The following CHRNA7 variants were observed in gnomAD, a reference collection of about 807,000 sequenced individuals.
The protein encoded by CHRNA7 is neuronal acetylcholine receptor subunit alpha-7.
A neutral mutation model predicts 48.0 loss-of-function variants in CHRNA7; 17 were observed. That is an observed-to-expected ratio of 0.35 (90% confidence interval 0.24 to 0.53). CHRNA7 has a LOEUF of 0.53. CHRNA7 is among the 20% of genes least tolerant of loss of function. CHRNA7 has a pLI of 0.92. For synonymous variants in CHRNA7, 75 were observed against 242.3 expected, an observed-to-expected ratio of 0.31 and a Z score of 6.41; for missense variants, 155 against 577.7, an observed-to-expected ratio of 0.27 and a Z score of 7.50.
chr15:32,083,011 C>G (rs777867463), intron 2 of CHRNA7, among the ~76,000 whole-genome samples: 15 of 152,158 alleles, frequency 9.9e-5, no homozygotes, highest in Non-Finnish European at 2.1e-4. Flanking sequence ...TGGTGCACAC[C>G]TGTAGTCCCA....
chr15:32,073,131 C>T (rs1203470267), intron 2 of CHRNA7, among the ~76,000 whole-genome samples: 1 of 152,226 alleles, frequency 6.6e-6, no homozygotes, highest in Non-Finnish European at 1.5e-5. Flanking sequence ...AGAGGGCACA[C>T]TCTCCAAAGC....
intron 2 of CHRNA7, among the ~76,000 whole-genome samples, chr15:32,079,032 C>T (rs1332687201): frequency 1.3e-5 from 2 of 152,128 alleles, no homozygotes; most frequent in East Asian, 1.9e-4. Context: ...GTCACATACA[C>T]AGAACTAAAG....
chr15:32,131,319 G>A (rs1195984075), intron 4 of CHRNA7, among the ~76,000 whole-genome samples: 1 of 151,820 alleles, frequency 6.6e-6, no homozygotes, highest in Non-Finnish European at 1.5e-5. Flanking sequence ...ACAAATATCA[G>A]ATTTTGTTAT....
intron 3 of CHRNA7, among the ~76,000 whole-genome samples, chr15:32,109,069 C>A (rs1471028413): frequency 1.3e-5 from 2 of 152,002 alleles, no homozygotes; most frequent in Non-Finnish European, 2.9e-5. Context: ...GAATTCAGGG[C>A]GTGAAAGTAA....
intron 4 of CHRNA7, among the ~76,000 whole-genome samples, chr15:32,128,438 C>G (rs368979286): frequency 1.3e-5 from 2 of 151,916 alleles, no homozygotes; most frequent in Admixed American, 1.3e-4. Flanking sequence ...TTATTTCAAT[C>G]TTCTATGATT....
At chr15:32,128,165 T>C (rs1461679282) in intron 4 of CHRNA7, among the ~76,000 whole-genome samples, 6 of 152,058 alleles carry the variant, frequency 3.9e-5, no homozygotes, top group Non-Finnish European at 7.4e-5. Flanking sequence ...AATCTAGATA[T>C]CTCTTCCTCT....
chr15:32,070,927 T>TCCGC (rs1471064068), intron 2 of CHRNA7, among the ~76,000 whole-genome samples: 2 of 152,054 alleles, frequency 1.3e-5, no homozygotes, highest in Non-Finnish European at 2.9e-5. Flanking sequence ...GACTTCATGA[T>TCCGC]CCGCCCATCT....
intron 2 of CHRNA7, among the ~76,000 whole-genome samples, chr15:32,058,295 C>T (rs1015653962): frequency 6.6e-6 from 1 of 152,200 alleles, no homozygotes; most frequent in Non-Finnish European, 1.5e-5. Context: ...TTGACAGTAA[C>T]CATCAGTCAT....
intron 2 of CHRNA7, among the ~76,000 whole-genome samples, chr15:32,042,741 T>G: frequency 6.6e-6 from 1 of 152,192 alleles, no homozygotes; most frequent in Middle Eastern, 3.2e-3. Flanking sequence ...ATCCTGTGTG[T>G]TCCCCTCTTA....
rs1306161300 is a variant in CHRNA7 at position 32,136,992 on chromosome 15, A to G, written c.351-16915A>G. 2.3e-5 allele frequency among the ~76,000 whole-genome samples: 3 copies of G among 131,084 alleles called. No homozygotes were observed. The East Asian group carries it at 7.6e-4, about 33-fold the overall frequency. The allele number at this position is 131,084 out of a possible 152,430, so 86.0% of individuals were successfully genotyped here. A position where few individuals can be genotyped will look rare whatever the true frequency, so the allele number is the denominator to read the frequency against. On this transcript the variant is annotated intron_variant, in intron 4 of 9. Coordinates refer to ENST00000306901, the MANE Select transcript of CHRNA7 (RefSeq NM_000746.6). Reference sequence around the variant, plus strand: ...GCTTGCAGTGAGCCGAGATCCCGCCACTGCACTCCAGCCTGGGCGACAGAG... The same window carrying G: ...GCTTGCAGTGAGCCGAGATCCCGCCGCTGCACTCCAGCCTGGGCGACAGAG...
At chr15:32,039,173 A>T (rs1490668954) in intron 2 of CHRNA7, among the ~76,000 whole-genome samples, 2 of 151,962 alleles carry the variant, frequency 1.3e-5, no homozygotes, top group African/African-American at 2.4e-5. Context: ...GCCTGGCTAG[A>T]TGCTTATTGA....
At chr15:32,074,090 T>C (rs1456401780) in intron 2 of CHRNA7, among the ~76,000 whole-genome samples, 1 of 151,750 alleles carries the variant, frequency 6.6e-6, no homozygotes, top group African/African-American at 2.4e-5. Flanking sequence ...TAAATGTTAA[T>C]GTATATTTAA....
At chr15:32,040,602 G>A (rs997227559) in intron 2 of CHRNA7, among the ~76,000 whole-genome samples, 1 of 92,590 alleles carries the variant, frequency 1.1e-5, no homozygotes, top group African/African-American at 2.7e-5. Context: ...GTGTATATGT[G>A]TGTATGTGTG....
intron 2 of CHRNA7, among the ~76,000 whole-genome samples, chr15:32,076,458 A>G (rs2050137821): frequency 6.6e-6 from 1 of 152,160 alleles, no homozygotes; most frequent in Non-Finnish European, 1.5e-5. Context: ...TTTATTTGAT[A>G]TTATATCAGG....
intron 2 of CHRNA7, among the ~76,000 whole-genome samples, chr15:32,032,252 G>A (rs1398283293): frequency 6.6e-6 from 1 of 152,214 alleles, no homozygotes; most frequent in Non-Finnish European, 1.5e-5. Flanking sequence ...GAGAAGAGCT[G>A]TAGGGGAAGG....
rs892337719 is a variant in CHRNA7, at chr15:32,068,623, T to A, written c.196-32680T>A. Among the ~76,000 whole-genome samples, 7 of 151,812 alleles carry A rather than the reference T, an allele frequency of 4.6e-5. No homozygotes were observed. The East Asian group carries it at 1.4e-3, about 30-fold the overall frequency. ...CTGTAATCCCAGCTATTCGGGAGGCTGAGGCAGGAGAATTGCTTGAACCCA... is the reference window on the plus strand; with the variant it reads ...CTGTAATCCCAGCTATTCGGGAGGCAGAGGCAGGAGAATTGCTTGAACCCA... On this transcript the variant is annotated intron_variant, in intron 2 of 9. Coordinates refer to ENST00000306901, the MANE Select transcript of CHRNA7 (RefSeq NM_000746.6).
intron 4 of CHRNA7, among the ~76,000 whole-genome samples, chr15:32,136,320 A>G (rs1405961498): frequency 6.6e-6 from 1 of 151,734 alleles, no homozygotes. Context: ...GTGAAACCCC[A>G]TCTCTACTAA....
intron 2 of CHRNA7, chr15:32,099,322 G>A (rs958555081): frequency 5.3e-5 from 8 of 152,216 alleles, no homozygotes; most frequent in African/African-American, 1.9e-4. Flanking sequence ...ATTGTTCTGG[G>A]AGCATGGTTC....
chr15:32,078,662 CAAAAAA>C (rs71113442), intron 2 of CHRNA7, among the ~76,000 whole-genome samples: 1 of 99,464 alleles, frequency 1.0e-5, no homozygotes, highest in African/African-American at 3.7e-5. Flanking sequence ...GCCTACCAAC[CAAAAAA>C]AAAAAAAAAA....
Sources: gnomAD v4.1 joint callset for allele counts (sites outside exome capture counted in the v4.1 genomes callset) on GRCh38, gnomAD v4.1.1 for gene constraint, MANE v1.5 for transcripts, NCBI Gene and HGNC (gene_info 2026-07-23, HGNC 2026-07-21) for gene names.